CNTNAP5: variants seen among roughly 807,000 people sequenced by gnomAD.
CNTNAP5 encodes contactin-associated protein-like 5.
CNTNAP5 carries 72 observed loss-of-function variants against 150.2 expected under a neutral mutation model. The ratio of observed to expected loss-of-function variants is 0.48; its 90% CI spans 0.40 to 0.58. The LOEUF is 0.58. Ranked by LOEUF, CNTNAP5 falls within the 20% of genes least tolerant of loss-of-function variation. The pLI, the probability that CNTNAP5 is intolerant of heterozygous loss-of-function variation, is 0.00. For missense variants in CNTNAP5, 1,636 were observed against 1,626.2 expected, an observed-to-expected ratio of 1.01 and a Z score of -0.10; for synonymous variants, 672 against 619.8, an observed-to-expected ratio of 1.08 and a Z score of -1.25.
At chr2:124,139,960 G>A (rs922224497) in intron 1 of CNTNAP5, among the ~76,000 whole-genome samples, 3 of 152,198 alleles carry the variant, frequency 2.0e-5, no homozygotes, top group African/African-American at 4.8e-5. Flanking sequence ...AGCAGGGCGA[G>A]GCATTGCCTC....
At chr2:124,208,570 C>G (rs1685924147) in intron 1 of CNTNAP5, among the ~76,000 whole-genome samples, 1 of 152,130 alleles carries the variant, frequency 6.6e-6, no homozygotes, top group Non-Finnish European at 1.5e-5. Context: ...AAATATCTTT[C>G]TAGAAGAGAA....
intron 3 of CNTNAP5, among the ~76,000 whole-genome samples, chr2:124,407,574 C>T (rs1176774385): frequency 6.6e-6 from 1 of 152,152 alleles, no homozygotes; most frequent in African/African-American, 2.4e-5. Context: ...CCCTTCTTCA[C>T]AGGGGAAAGG....
At chr2:124,792,814 G>T (rs949444905) in intron 18 of CNTNAP5, among the ~76,000 whole-genome samples, 1 of 151,864 alleles carries the variant, frequency 6.6e-6, no homozygotes, top group Non-Finnish European at 1.5e-5. Flanking sequence ...CTTTTACTTC[G>T]CATAATATTG....
chr2:124,298,641 G>A (rs1558839547), intron 3 of CNTNAP5, among the ~76,000 whole-genome samples: 1 of 152,066 alleles, frequency 6.6e-6, no homozygotes, highest in Non-Finnish European at 1.5e-5. Context: ...GAAGGTTTGG[G>A]GAGTTTTTTC....
chr2:124,340,809 G>GTA (rs138288829), intron 3 of CNTNAP5, among the ~76,000 whole-genome samples: 16,544 of 142,814 alleles, frequency 0.12, 1,259 homozygotes, highest in East Asian at 0.23. Context: ...ATGTATACAT[G>GTA]TATATATATA....
chr2:124,748,112 T>G (rs760321988), intron 14 of CNTNAP5, among the ~76,000 whole-genome samples: 2 of 152,094 alleles, frequency 1.3e-5, no homozygotes, highest in Non-Finnish European at 2.9e-5. Flanking sequence ...CTCCCATTGA[T>G]GTTTCAGTCA....
chr2:124,216,750 T>C lies in CNTNAP5; in HGVS notation c.83-4955T>C, dbSNP rs189188162. The stretch of plus-strand genomic sequence containing the variant: ...TTTTTTATGGCTGCATAGTATTCCA[T>C]GGTGTATATGTGCCACATTTTCTTA... On this transcript the variant is annotated intron_variant, in intron 1 of 23. Transcript: ENST00000682447. Among the ~76,000 whole-genome samples the C allele has an allele frequency of 9.1e-3, 1,379 of 152,324 alleles. 22 individuals are homozygous for C. Among genetic ancestry groups the C allele is most frequent in the African/African-American group, 0.031 (1,295 of 41,572 alleles).
rs1186574183 is a variant in CNTNAP5, at chr2:124,242,227, C to T, written c.215C>T (p.Ser72Phe). The change falls in exon 3 of 24, where the codon TCC becomes TTC. Residue 72 changes from serine (S) to phenylalanine (F), a missense_variant. Physicochemically the swap from Ser to Phe is radical, Grantham distance 155. Coordinates refer to ENST00000682447, the MANE Select transcript of CNTNAP5 (RefSeq NM_001367498.1). ...ACTGGCGGTTGGTCCCCAGCAGATT[C>T]CAATGCTCAACAGTGGCTCCAGATG... is the stretch of plus-strand genomic sequence containing the variant. ...VGTGGWSPAD[S>F]NAQQWLQMDL... 2 of 1,596,884 alleles carry T rather than the reference C, an allele frequency of 1.3e-6. No individual in the cohort carries two copies. Among genetic ancestry groups the T allele is most frequent in the Admixed American group, 1.7e-5 (1 of 57,598 alleles).
chr2:124,247,051 A>G (rs976681707), intron 3 of CNTNAP5, among the ~76,000 whole-genome samples: 3 of 152,066 alleles, frequency 2.0e-5, no homozygotes, highest in African/African-American at 7.2e-5. Context: ...GGTCAATTCA[A>G]GCAATGGATT....
At chr2:124,087,606 T>C (rs868224115) in intron 1 of CNTNAP5, among the ~76,000 whole-genome samples, 2 of 151,734 alleles carry the variant, frequency 1.3e-5, no homozygotes, top group Non-Finnish European at 2.9e-5. Context: ...CCTGTAGTCC[T>C]AGCTACTAGG....
chr2:124,113,483 A>G (rs1683349044), intron 1 of CNTNAP5, among the ~76,000 whole-genome samples: 2 of 149,892 alleles, frequency 1.3e-5, no homozygotes, highest in Admixed American at 1.4e-4. Context: ...TATTGTATAT[A>G]TCTATTCAAC....
At chr2:124,240,953 TA>T in intron 2 of CNTNAP5, among the ~76,000 whole-genome samples, 1 of 152,256 alleles carries the variant, frequency 6.6e-6, no homozygotes, top group Non-Finnish European at 1.5e-5. Context: ...GAAACATCGC[TA>T]AAATGATTTT....
intron 10 of CNTNAP5, among the ~76,000 whole-genome samples, chr2:124,562,703 C>T (rs1021892852): frequency 6.6e-6 from 1 of 152,062 alleles, no homozygotes; most frequent in Admixed American, 6.6e-5. Flanking sequence ...ATAAAATACC[C>T]TTGCATTTTA....
At chr2:124,538,531 GGAAAGAAA>G (rs370057725) in intron 10 of CNTNAP5, among the ~76,000 whole-genome samples, 1 of 105,624 alleles carries the variant, frequency 9.5e-6, no homozygotes, top group Non-Finnish European at 2.0e-5. Context: ...AAAGAAAGAA[GGAAAGAAA>G]GAAAGAAAGA....
intron 1 of CNTNAP5, among the ~76,000 whole-genome samples, chr2:124,048,697 A>T (rs1329815897): frequency 6.6e-6 from 1 of 152,126 alleles, no homozygotes; most frequent in African/African-American, 2.4e-5. Flanking sequence ...GCAGTCTTTT[A>T]TTCCCCCTTT....
chr2:124,057,472 A>T (rs1312402144), intron 1 of CNTNAP5, among the ~76,000 whole-genome samples: 62 of 14,390 alleles, frequency 4.3e-3, no homozygotes, highest in East Asian at 0.011. Context: ...TTTTTTTTTT[A>T]GTAGAGATGG....
chr2:124,768,757 AC>A (rs1388064737), intron 16 of CNTNAP5, among the ~76,000 whole-genome samples: 4 of 152,088 alleles, frequency 2.6e-5, no homozygotes, highest in Admixed American at 2.6e-4. Context: ...GCACCAGTCC[AC>A]AGGATTGACA....
chr2:124,413,581 G>A (rs1399019118), intron 3 of CNTNAP5, among the ~76,000 whole-genome samples: 3 of 132,494 alleles, frequency 2.3e-5, no homozygotes, highest in Middle Eastern at 3.6e-3. Flanking sequence ...GTCCTTTGTA[G>A]GGACATGGAT....
chr2:124,455,668 T>C (rs1359278814), intron 6 of CNTNAP5, among the ~76,000 whole-genome samples: 1 of 151,720 alleles, frequency 6.6e-6, no homozygotes, highest in African/African-American at 2.4e-5. Flanking sequence ...AATCCTTAGC[T>C]AAACGCTAGC....
Sources: allele counts gnomAD v4.1 joint callset (sites outside exome capture counted in the v4.1 genomes callset), GRCh38; gene constraint gnomAD v4.1.1; transcripts MANE v1.5; gene names NCBI Gene and HGNC (gene_info 2026-07-23, HGNC 2026-07-21).